The following RPTOR variants were observed in gnomAD, a reference collection of about 807,000 sequenced individuals.
The protein encoded by RPTOR is regulatory-associated protein of mTOR.
A neutral mutation model predicts 169.9 loss-of-function variants in RPTOR; 21 were observed. That is an observed-to-expected ratio of 0.12 (90% CI 0.09 to 0.18). The LOEUF (loss-of-function observed/expected upper bound fraction) is 0.18, where lower values mean the gene tolerates loss of function less well. Among genes scored for constraint, RPTOR ranks in the 10% least tolerant of loss-of-function variants. RPTOR has a pLI of 1.00. For synonymous variants in RPTOR, 732 were observed against 753.2 expected (o/e 0.97, Z 0.46); for missense variants, 1,133 against 1,855.9 (o/e 0.61, Z 7.16).
chr17:80,943,171 G>A (rs1015320540), intron 25 of RPTOR, among the ~76,000 whole-genome samples: 14 of 152,222 alleles, frequency 9.2e-5, no homozygotes, highest in African/African-American at 3.4e-4. Context: ...GGTGCCACCT[G>A]GACAGTGCCA....
At chr17:80,647,321 C>T (rs942672692) in intron 3 of RPTOR, among the ~76,000 whole-genome samples, 1 of 152,196 alleles carries the variant, frequency 6.6e-6, no homozygotes, top group Non-Finnish European at 1.5e-5. Context: ...AAACCTCACT[C>T]ATTCCATCAT....
At chr17:80,889,063 C>T (rs1598380542) in intron 17 of RPTOR, among the ~76,000 whole-genome samples, 3 of 152,214 alleles carry the variant, frequency 2.0e-5, no homozygotes, top group African/African-American at 4.8e-5. Context: ...CAGGACCTCA[C>T]CTTCGGCTGC....
At chr17:80,903,127 C>T (rs999416024) in intron 20 of RPTOR, among the ~76,000 whole-genome samples, 13 of 152,154 alleles carry the variant, frequency 8.5e-5, no homozygotes, top group African/African-American at 3.1e-4. Context: ...GAGGGGAGGG[C>T]GAGAAAGGAA....
At position 80,952,866 on chromosome 17, in the gene RPTOR, T is replaced by C. The variant is rs1212457677; in HGVS notation, c.3370+3319T>C. Among the ~76,000 whole-genome samples, 4 of 76,764 alleles carry C rather than the reference T, an allele frequency of 5.2e-5. No homozygotes were observed. The East Asian group carries it at 1.3e-3, about 25-fold the overall frequency. 50.4% of individuals were successfully genotyped at this position (76,764 alleles called of 152,430 possible). A position where few individuals can be genotyped will look rare whatever the true frequency, so the allele number is the denominator to read the frequency against. ...CTTTTTCTTTTCTTCTTTTTTTTTT[T>C]TTTTTTTTTTTTTTTTGAGGTGGAG... On this transcript the variant is annotated intron_variant, in intron 28 of 33. Transcript: ENST00000306801.
At chr17:80,774,290 C>T (rs938334995) in intron 6 of RPTOR, 55 of 985,242 alleles carry the variant, frequency 5.6e-5, no homozygotes, top group Admixed American at 1.2e-4. Context: ...GGGAGCTGCA[C>T]GGGAGAGTGC....
chr17:80,679,899 G>A lies in RPTOR; in HGVS notation c.349-27942G>A, dbSNP rs570706584. Among the ~76,000 whole-genome samples the A allele has an allele frequency of 2.2e-5, 3 of 138,900 alleles. No individual in the cohort carries two copies. The East Asian group carries it at 5.8e-4, about 27-fold the overall frequency. 91.1% of individuals were successfully genotyped at this position (138,900 alleles called of 152,430 possible). On this transcript the variant is annotated intron_variant, in intron 3 of 33. Transcript: ENST00000306801. ...CAATTCCACTCCCAGGCTGGGTGAG[G>A]TGTCCTCTCCACGGTTCCCCAGAGC...
intron 5 of RPTOR, among the ~76,000 whole-genome samples, chr17:80,751,747 C>T (rs1295416850): frequency 6.6e-6 from 1 of 152,210 alleles, no homozygotes; most frequent in Non-Finnish European, 1.5e-5. Context: ...ACAAAACAAG[C>T]CCTAGGAATT....
chr17:80,830,517 C>T (rs980997618), intron 9 of RPTOR, among the ~76,000 whole-genome samples: 2 of 152,250 alleles, frequency 1.3e-5, no homozygotes, highest in African/African-American at 2.4e-5. Context: ...AAGCCACTCA[C>T]GCACGGCCTT....
chr17:80,943,849 T>C (rs2069065983), intron 25 of RPTOR, among the ~76,000 whole-genome samples: 1 of 124,498 alleles, frequency 8.0e-6, no homozygotes, highest in Non-Finnish European at 1.7e-5. Context: ...GCGGTGTCTC[T>C]CTGCACCACC....
At chr17:80,809,938 G>A (rs974865394) in intron 7 of RPTOR, among the ~76,000 whole-genome samples, 1 of 152,144 alleles carries the variant, frequency 6.6e-6, no homozygotes, top group Non-Finnish European at 1.5e-5. Context: ...TCGGGAGGCT[G>A]AGGCAGGAGA....
intron 1 of RPTOR, among the ~76,000 whole-genome samples, chr17:80,575,045 AG>A (rs1294382470): frequency 6.6e-6 from 1 of 151,314 alleles, no homozygotes; most frequent in East Asian, 1.9e-4. Flanking sequence ...GCCATTCTTG[AG>A]GGGGAGATTC....
intron 7 of RPTOR, among the ~76,000 whole-genome samples, chr17:80,799,046 C>G (rs1035734582): frequency 8.5e-5 from 13 of 152,208 alleles, no homozygotes; most frequent in Non-Finnish European, 7.3e-5. Flanking sequence ...CATTGCTGCC[C>G]TTTTTGCCAA....
intron 6 of RPTOR, among the ~76,000 whole-genome samples, chr17:80,759,043 G>A (rs1350559806): frequency 1.3e-5 from 2 of 151,696 alleles, no homozygotes; most frequent in East Asian, 1.9e-4. Context: ...GCTTCCCTCC[G>A]CGCACAGCTG....
intron 6 of RPTOR, among the ~76,000 whole-genome samples, chr17:80,788,256 TGAGTTCAG>T (rs949253867): frequency 3.3e-5 from 5 of 152,164 alleles, no homozygotes; most frequent in African/African-American, 7.2e-5. Flanking sequence ...GTGGATCACC[TGAGTTCAG>T]GAGTTCGAGA....
At chr17:80,727,096 C>T (rs547199316) in intron 4 of RPTOR, among the ~76,000 whole-genome samples, 143 of 152,158 alleles carry the variant, frequency 9.4e-4, no homozygotes, top group African/African-American at 3.4e-3. Flanking sequence ...GGACGCTGCA[C>T]CTCTGACCAC....
chr17:80,925,246 C>G, intron 23 of RPTOR, 124 bp from the exon 24 acceptor site: 1 of 743,940 alleles, frequency 1.3e-6, no homozygotes, highest in East Asian at 2.7e-5. Context: ...AAGTGCCGTC[C>G]TTAGGGGCAG....
chr17:80,836,155 G>A (rs377048248), intron 9 of RPTOR, among the ~76,000 whole-genome samples: 10 of 152,258 alleles, frequency 6.6e-5, no homozygotes, highest in African/African-American at 9.6e-5. Flanking sequence ...CTCATCCTCC[G>A]GGCGAGGCAG....
intron 28 of RPTOR, among the ~76,000 whole-genome samples, chr17:80,951,115 C>CCA (rs1568006749): frequency 6.6e-6 from 1 of 151,170 alleles, no homozygotes; most frequent in African/African-American, 2.4e-5. Flanking sequence ...TGAGACCCCC[C>CCA]GGAAGCATCC....
intron 6 of RPTOR, among the ~76,000 whole-genome samples, chr17:80,760,231 G>A (rs1047250280): frequency 2.0e-5 from 3 of 151,658 alleles, no homozygotes; most frequent in Admixed American, 2.0e-4. Flanking sequence ...TGCTGTTGCA[G>A]CACGAAAGAG....
Sources: gnomAD v4.1 joint callset for allele counts (sites outside exome capture counted in the v4.1 genomes callset) on GRCh38, gnomAD v4.1.1 for gene constraint, MANE v1.5 for transcripts, NCBI Gene and HGNC (gene_info 2026-07-23, HGNC 2026-07-21) for gene names.